Variants in PIK3C2A observed in about 807,000 individuals in gnomAD.
PIK3C2A encodes phosphatidylinositol 4-phosphate 3-kinase C2 domain-containing subunit alpha.
In PIK3C2A, 97 loss-of-function variants were observed where a neutral mutation model predicts 204.5. The observed-to-expected ratio is 0.47, with a 90% CI of 0.40 to 0.56. The LOEUF is 0.56. PIK3C2A is among the 20% of genes least tolerant of loss of function. PIK3C2A has a pLI of 0.00. For synonymous variants in PIK3C2A, 653 were observed against 664.4 expected, an observed-to-expected ratio of 0.98 and a Z score of 0.26; for missense variants, 1,735 against 1,969.2, an observed-to-expected ratio of 0.88 and a Z score of 2.25.
chr11:17,099,992 C>A, intron 25 of PIK3C2A, 23 bp from the exon 26 acceptor site: 2 of 1,156,946 alleles, frequency 1.7e-6, no homozygotes, highest in South Asian at 2.6e-5. Context: ...ACAAAAAGTT[C>A]TGTGAGTTAA....
intron 29 of PIK3C2A, 35 bp downstream of exon 29, chr11:17,092,124 A>G (rs960583552): frequency 1.0e-5 from 15 of 1,472,838 alleles, no homozygotes; most frequent in Non-Finnish European, 1.2e-5. Flanking sequence ...CACAAAAGGT[A>G]TAAGATGTTA....
chr11:17,139,685 T>G (rs1017410950), intron 8 of PIK3C2A, among the ~76,000 whole-genome samples: 1 of 152,224 alleles, frequency 6.6e-6, no homozygotes, highest in African/African-American at 2.4e-5. Flanking sequence ...CAAGCCTCCG[T>G]TACATAAACG....
intron 9 of PIK3C2A, among the ~76,000 whole-genome samples, chr11:17,135,990 T>TA (rs754540582): frequency 5.1e-4 from 78 of 152,274 alleles, no homozygotes; most frequent in Non-Finnish European, 7.4e-4. Flanking sequence ...CAGCTTTTAT[T>TA]AAAAGCAACA....
At chr11:17,129,171 T>C in intron 13 of PIK3C2A, 129 bp downstream of exon 13, 1 of 680,164 alleles carries the variant, frequency 1.5e-6, no homozygotes, top group Non-Finnish European at 2.6e-6. Flanking sequence ...CCTCCTTTTA[T>C]CACATTAGAA....
At chr11:17,148,519 T>C (rs1165601832) in intron 5 of PIK3C2A, 148 bp downstream of exon 5, 2 of 677,028 alleles carry the variant, frequency 3.0e-6, no homozygotes, top group Admixed American at 5.8e-5. Context: ...AGACATTATA[T>C]ATTTCAATAA....
At chr11:17,199,001 C>T (rs1414809965) in intron 1 of PIK3C2A, among the ~76,000 whole-genome samples, 1 of 151,856 alleles carries the variant, frequency 6.6e-6, no homozygotes, top group East Asian at 1.9e-4. Context: ...CACCTGTAAT[C>T]CCAGCTACTT....
intron 13 of PIK3C2A, among the ~76,000 whole-genome samples, chr11:17,123,778 G>GT (rs1849437550): frequency 6.7e-5 from 1 of 14,834 alleles, no homozygotes; most frequent in Non-Finnish European, 4.4e-4. Flanking sequence ...GAAGCAATGG[G>GT]CCAAGTATGC....
intron 22 of PIK3C2A, among the ~76,000 whole-genome samples, chr11:17,110,009 G>A (rs1178818712): frequency 6.6e-6 from 1 of 152,006 alleles, no homozygotes; most frequent in East Asian, 1.9e-4. Flanking sequence ...CTAGAATACA[G>A]TGATGCAATC....
chr11:17,161,480 A>G lies in PIK3C2A; in HGVS notation c.1066-5851T>C, dbSNP rs1590977996. On this transcript the variant is annotated intron_variant, in intron 2 of 32. Transcript: ENST00000691414. ...AACTTTGCAAAGCCACCTCTATGACAATAATTTGATCTATTATAAAATTCT... is the reference window on the plus strand; with the variant it reads ...AACTTTGCAAAGCCACCTCTATGACGATAATTTGATCTATTATAAAATTCT... Among the ~76,000 whole-genome samples, 3 of 152,324 alleles carry G rather than the reference A, an allele frequency of 2.0e-5. No homozygotes were observed. In the South Asian group the frequency reaches 6.2e-4, roughly 32 times the overall value.
At chr11:17,156,058 GT>G (rs1590971840) in intron 2 of PIK3C2A, among the ~76,000 whole-genome samples, 1 of 152,054 alleles carries the variant, frequency 6.6e-6, no homozygotes, top group Admixed American at 6.6e-5. Context: ...AAGAAAGATG[GT>G]TTTTTATGTA....
chr11:17,193,689 T>C (rs1425505795), intron 1 of PIK3C2A: 3 of 231,082 alleles, frequency 1.3e-5, no homozygotes, highest in African/African-American at 7.1e-5. Context: ...CTACTAAAAA[T>C]ATAAAAATTA....
chr11:17,093,571 A>C (rs965143596), intron 28 of PIK3C2A, among the ~76,000 whole-genome samples: 1 of 149,546 alleles, frequency 6.7e-6, no homozygotes, highest in African/African-American at 2.5e-5. Context: ...GCCATGCTTC[A>C]GTTTTTTTAG....
intron 6 of PIK3C2A, among the ~76,000 whole-genome samples, chr11:17,146,859 A>C (rs536964284): frequency 6.6e-6 from 1 of 152,316 alleles, no homozygotes; most frequent in African/African-American, 2.4e-5. Context: ...AGCAAAACTC[A>C]AGAAAACCAA....
intron 25 of PIK3C2A, among the ~76,000 whole-genome samples, 179 bp downstream of exon 25, chr11:17,101,099 G>T (rs1848610883): frequency 6.6e-6 from 1 of 152,116 alleles, no homozygotes; most frequent in Non-Finnish European, 1.5e-5. Context: ...CAGACAGTAG[G>T]TACTCTTGTG....
intron 8 of PIK3C2A, 23 bp downstream of exon 8, chr11:17,145,645 C>A: frequency 6.8e-7 from 1 of 1,479,020 alleles, no homozygotes; most frequent in Admixed American, 1.8e-5. Flanking sequence ...AGTCATTATG[C>A]CAAAATGTGA....
chr11:17,097,142 T>G lies in PIK3C2A; in HGVS notation c.4241A>C (p.Lys1414Thr). ...NDEPILSFSP[K>T]TYSFRQDGRI... ...ACCATCTTGTCTAAAGGAGTATGTT[T>G]TAGGTGAAAATGAAAGGATGGGCTC... The change falls in exon 27 of 33, where the codon AAA (lysine) becomes ACA (threonine). Residue 1414 changes from lysine to threonine, a missense_variant. Lys to Thr is a moderately conservative substitution (Grantham distance 78). Coordinates refer to ENST00000691414, the MANE Select transcript of PIK3C2A (RefSeq NM_002645.4). 1 of 1,611,240 alleles carries G rather than the reference T, an allele frequency of 6.2e-7. No individual in the cohort carries two copies. The highest frequency in any genetic ancestry group is 8.5e-7 in the Non-Finnish European group (1 of 1,177,404).
At chr11:17,145,768 T>G in intron 7 of PIK3C2A, 37 bp from the exon 8 acceptor site, 3 of 1,556,998 alleles carry the variant, frequency 1.9e-6, no homozygotes, top group Non-Finnish European at 2.7e-6. Flanking sequence ...TGAAGGATGC[T>G]ACACACAAAA....
intron 13 of PIK3C2A, among the ~76,000 whole-genome samples, chr11:17,124,323 AT>A (rs1849453035): frequency 6.6e-6 from 1 of 152,188 alleles, no homozygotes; most frequent in African/African-American, 2.4e-5. Context: ...ATAATTAACA[AT>A]AATTACTTAA....
chr11:17,141,277 CTTTTTTT>C, intron 8 of PIK3C2A: 1 of 133,736 alleles, frequency 7.5e-6, no homozygotes, highest in South Asian at 2.4e-4. Flanking sequence ...TTTTCTTTTC[CTTTTTTT>C]TTTTTTTTTT....
Sources: allele counts gnomAD v4.1 joint callset (sites outside exome capture counted in the v4.1 genomes callset), GRCh38; gene constraint gnomAD v4.1.1; transcripts MANE v1.5; gene names NCBI Gene and HGNC (gene_info 2026-07-23, HGNC 2026-07-21).